The following MARCHF6 variants were observed in gnomAD, a reference collection of about 807,000 sequenced individuals.
MARCHF6 encodes the protein membrane associated ring-CH-type finger 6.
A neutral mutation model predicts 133.7 loss-of-function variants in MARCHF6; 31 were observed. The ratio of observed to expected loss-of-function variants is 0.23; its 90% CI spans 0.17 to 0.31. MARCHF6 has a LOEUF of 0.31. Ranked by LOEUF, MARCHF6 falls within the 10% of genes least tolerant of loss-of-function variation. The probability of loss-of-function intolerance (pLI) is 1.00; values close to 1 mark genes in which losing one functional copy is unlikely to be tolerated. For missense variants in MARCHF6, 723 were observed against 1,121.6 expected, an observed-to-expected ratio of 0.64 and a Z score of 5.08; for synonymous variants, 395 against 402.5, an observed-to-expected ratio of 0.98 and a Z score of 0.22.
chr5:10,400,749 T>C (rs1403332214), intron 10 of MARCHF6, 35 bp from the exon 11 acceptor site: 1 of 1,482,804 alleles, frequency 6.7e-7, no homozygotes, highest in South Asian at 1.1e-5. Flanking sequence ...TGTTTTGATG[T>C]CGGAGTTTTC....
At chr5:10,391,478 T>G in intron 6 of MARCHF6, 64 bp from the exon 7 acceptor site, 4 of 663,796 alleles carry the variant, frequency 6.0e-6, no homozygotes, top group South Asian at 5.8e-5. Context: ...AGGAATAATG[T>G]GATTTGGAAA....
At chr5:10,407,866 G>A (rs1332127726) in intron 17 of MARCHF6, among the ~76,000 whole-genome samples, 1 of 151,560 alleles carries the variant, frequency 6.6e-6, no homozygotes, top group African/African-American at 2.4e-5. Flanking sequence ...TGAGGCAGGA[G>A]AATCGCTTGA....
At chr5:10,382,761 A>C (rs987796170) in intron 4 of MARCHF6, among the ~76,000 whole-genome samples, 3 of 152,216 alleles carry the variant, frequency 2.0e-5, no homozygotes, top group African/African-American at 7.2e-5. Flanking sequence ...TGGGAGGCAG[A>C]GGTTTCAGTG....
intron 5 of MARCHF6, 146 bp from the exon 6 acceptor site, chr5:10,390,186 T>C (rs1264572185): frequency 3.0e-6 from 2 of 656,268 alleles, no homozygotes; most frequent in African/African-American, 3.7e-5. Context: ...TTGGAGAAAC[T>C]TGAGATTTTC....
At chr5:10,419,899 A>G (rs187092980) in intron 22 of MARCHF6, among the ~76,000 whole-genome samples, 35 of 152,286 alleles carry the variant, frequency 2.3e-4, no homozygotes, top group East Asian at 1.3e-3. Flanking sequence ...GCTTTGTGCT[A>G]TCTGGGACTC....
chr5:10,358,871 C>T (rs1394215245), intron 1 of MARCHF6, among the ~76,000 whole-genome samples: 2 of 152,176 alleles, frequency 1.3e-5, no homozygotes, highest in Non-Finnish European at 2.9e-5. Context: ...AACTTACACA[C>T]ACAAACATGT....
rs367558326 is a variant in MARCHF6 at position 10,362,058 on chromosome 5, T to G, written c.19+8141T>G. On this transcript the variant is annotated intron_variant, in intron 1 of 25. Coordinates refer to ENST00000274140, the MANE Select transcript of MARCHF6 (RefSeq NM_005885.4). ...GATTACAGGTGTGAGCCACTGTGCC[T>G]GGCTGTAATACACTTTTTACTTTCC... Among the ~76,000 whole-genome samples, 7 of 152,256 alleles carry G rather than the reference T, an allele frequency of 4.6e-5. No homozygotes were observed. The East Asian group carries it at 7.7e-4, about 17-fold the overall frequency.
intron 1 of MARCHF6, among the ~76,000 whole-genome samples, chr5:10,362,588 A>G (rs529186531): frequency 6.6e-6 from 1 of 152,364 alleles, no homozygotes; most frequent in East Asian, 1.9e-4. Context: ...GTTAATAAAA[A>G]TAACGTTATC....
chr5:10,417,544 G>A lies in MARCHF6; in HGVS notation c.2283+140G>A, dbSNP rs536467325. ...GAGGACTGCTTGCACCCAGGAGTTC[G>A]AGACCAGCCTGGGCAGCATGGCAAG... On this transcript the variant is annotated intron_variant, in intron 22 of 25. Coordinates refer to ENST00000274140, the MANE Select transcript of MARCHF6 (RefSeq NM_005885.4). The A allele has an allele frequency of 4.1e-5, 43 of 1,054,738 alleles. No individual in the cohort carries two copies. In the African/African-American group the frequency reaches 5.3e-4, roughly 13 times the overall value. 65.3% of individuals were successfully genotyped at this position (1,054,738 alleles called of 1,614,324 possible). A position where few individuals can be genotyped will look rare whatever the true frequency, so the allele number is the denominator to read the frequency against.
chr5:10,391,303 TTTTAA>T lies in MARCHF6; in HGVS notation c.577-233_577-229del, dbSNP rs1737814386. Among the ~76,000 whole-genome samples the T allele has an allele frequency of 2.0e-5, 3 of 152,062 alleles. No individual in the cohort carries two copies. In the South Asian group the frequency reaches 6.2e-4, roughly 31 times the overall value. On this transcript the variant is annotated intron_variant, in intron 6 of 25. Transcript: ENST00000274140. ...CGCAAACCACCATGCCTGGCTAACT[TTTTAA>T]TTTAAGTACAGATAGGGTCTTGCTG...
chr5:10,428,251 A>G (rs973046967), intron 24 of MARCHF6, among the ~76,000 whole-genome samples: 3 of 151,664 alleles, frequency 2.0e-5, no homozygotes, highest in South Asian at 2.1e-4. Context: ...AATTGTGACT[A>G]TGCCAAGTAT....
chr5:10,424,858 G>A (rs1486433810), intron 23 of MARCHF6, among the ~76,000 whole-genome samples: 1 of 152,208 alleles, frequency 6.6e-6, no homozygotes, highest in African/African-American at 2.4e-5. Context: ...TAATTTGATT[G>A]TTGTGGGAAT....
intron 10 of MARCHF6, among the ~76,000 whole-genome samples, chr5:10,399,620 A>AAAT (rs1738402587): frequency 6.6e-6 from 1 of 152,286 alleles, no homozygotes; most frequent in South Asian, 2.1e-4. Flanking sequence ...ACTTAGCTAT[A>AAAT]ATGCCATTAT....
chr5:10,429,278 A>G (rs1740248387), intron 24 of MARCHF6, among the ~76,000 whole-genome samples: 1 of 152,124 alleles, frequency 6.6e-6, no homozygotes, highest in Admixed American at 6.5e-5. Flanking sequence ...TAAAAGTTTG[A>G]GGATTTTTTT....
chr5:10,423,912 AC>A, intron 23 of MARCHF6, 88 bp downstream of exon 23: 1 of 874,172 alleles, frequency 1.1e-6, no homozygotes, highest in Non-Finnish European at 1.7e-6. Flanking sequence ...TTATCTTCCT[AC>A]CTTGCTGAGT....
intron 10 of MARCHF6, among the ~76,000 whole-genome samples, chr5:10,399,452 C>A (rs1054056678): frequency 1.8e-4 from 27 of 152,030 alleles, no homozygotes; most frequent in African/African-American, 6.3e-4. Context: ...GTTTCCCACT[C>A]CCCTGGTAAT....
chr5:10,412,177 T>C (rs987410480), intron 19 of MARCHF6, among the ~76,000 whole-genome samples: 1 of 152,234 alleles, frequency 6.6e-6, no homozygotes, highest in Non-Finnish European at 1.5e-5. Flanking sequence ...GTCATTATTA[T>C]ACCTTTGTAG....
In MARCHF6 at chr5:10,387,038, C is replaced by G. The variant is rs779074611; in HGVS notation, c.379C>G (p.Leu127Val). The change falls in exon 5 of 26, where the codon CTG (leucine) becomes GTG (valine). Residue 127 changes from leucine (L) to valine (V), a missense_variant. Around this residue, in one of 4 missense-constraint regions of MARCHF6, gnomAD observed 91 missense variants for 208.8 expected, o/e 0.44. Transcript: ENST00000274140. ...GTTTACTGGCTCCGTGAGCTCACTA[C>G]TGACGCTGCCATTAGATATGCTGTC... ...CLFTGSVSSLLTLPLDMLSTE... is the reference protein window; with the variant it reads ...CLFTGSVSSLVTLPLDMLSTE... 1 of 1,612,734 alleles carries G rather than the reference C, an allele frequency of 6.2e-7. No homozygotes were observed. The highest frequency in any genetic ancestry group is 1.1e-5 in the South Asian group (1 of 90,968).
chr5:10,426,643 T>G (rs1442136090), intron 24 of MARCHF6, 121 bp downstream of exon 24: 3 of 1,088,000 alleles, frequency 2.8e-6, no homozygotes, highest in Non-Finnish European at 3.9e-6. Flanking sequence ...TGAATCCAGC[T>G]AAGACAATGA....
Sources: allele counts gnomAD v4.1 joint callset (sites outside exome capture counted in the v4.1 genomes callset), GRCh38; gene constraint gnomAD v4.1.1; regional missense constraint gnomAD v4.1.1; transcripts MANE v1.5; gene names NCBI Gene and HGNC (gene_info 2026-07-23, HGNC 2026-07-21).